Variants in IGF1 observed in about 807,000 individuals in gnomAD.
IGF1 encodes the protein insulin-like growth factor 1.
Under a neutral mutation model 13.8 loss-of-function variants are expected in IGF1, and 4 were observed. The observed-to-expected ratio is 0.29, with a 90% CI of 0.14 to 0.66. The LOEUF (loss-of-function observed/expected upper bound fraction) is 0.66. IGF1 is among the 30% of genes least tolerant of loss of function. The probability of loss-of-function intolerance (pLI) is 0.78; values close to 1 mark genes in which losing one functional copy is unlikely to be tolerated. For missense variants in IGF1, 124 were observed against 188.5 expected (o/e 0.66, Z 2.00); for synonymous variants, 76 against 72.6 (o/e 1.05, Z -0.23).
chr12:102,434,049 G>T (rs1876981741), intron 2 of IGF1, among the ~76,000 whole-genome samples: 2 of 152,026 alleles, frequency 1.3e-5, no homozygotes, highest in Non-Finnish European at 2.9e-5. Context: ...TTCAGATGCT[G>T]GCTAAACCAT....
intron 1 of IGF1, among the ~76,000 whole-genome samples, chr12:102,479,762 C>A (rs1368689553): frequency 2.6e-5 from 4 of 152,174 alleles, no homozygotes; most frequent in Admixed American, 2.6e-4. Context: ...AACTTTAACA[C>A]TCTCTCTGGG....
intron 2 of IGF1, among the ~76,000 whole-genome samples, chr12:102,465,086 T>C (rs930131248): frequency 1.3e-5 from 2 of 152,222 alleles, no homozygotes; most frequent in Admixed American, 1.3e-4. Context: ...AACTCTTGGG[T>C]GGTCTCAATG....
chr12:102,429,076 A>T (rs1244878807), intron 2 of IGF1, among the ~76,000 whole-genome samples: 1 of 152,238 alleles, frequency 6.6e-6, no homozygotes, highest in East Asian at 1.9e-4. Flanking sequence ...AAAATTTAAA[A>T]GTCTATACGA....
intron 1 of IGF1, among the ~76,000 whole-genome samples, chr12:102,476,434 A>AGAGAGAGAGACT (rs1881053201): frequency 6.6e-6 from 1 of 151,920 alleles, no homozygotes; most frequent in Non-Finnish European, 1.5e-5. Context: ...AGAGAGAGAG[A>AGAGAGAGAGACT]GAGAGAGAGA....
chr12:102,432,041 T>C (rs541475500), intron 2 of IGF1, among the ~76,000 whole-genome samples: 1 of 152,324 alleles, frequency 6.6e-6, no homozygotes, highest in Admixed American at 6.5e-5. Flanking sequence ...TTTTTACCCA[T>C]AATCTTGATA....
At chr12:102,439,385 A>C (rs1877513173) in intron 2 of IGF1, among the ~76,000 whole-genome samples, 1 of 152,230 alleles carries the variant, frequency 6.6e-6, no homozygotes, top group South Asian at 2.1e-4. Context: ...AAACATTAGA[A>C]GGTAGGATTT....
At chr12:102,471,430 G>A (rs565532331) in intron 2 of IGF1, among the ~76,000 whole-genome samples, 14 of 152,138 alleles carry the variant, frequency 9.2e-5, no homozygotes, top group African/African-American at 3.4e-4. Flanking sequence ...TAGTTTTCTG[G>A]GCAGTATATA....
At chr12:102,443,520 G>T (rs1878042769) in intron 2 of IGF1, among the ~76,000 whole-genome samples, 1 of 152,086 alleles carries the variant, frequency 6.6e-6, no homozygotes, top group Admixed American at 6.5e-5. Flanking sequence ...CCTGAACTAT[G>T]TATCTTGGGA....
At chr12:102,447,111 CT>C in intron 2 of IGF1, among the ~76,000 whole-genome samples, 1 of 152,120 alleles carries the variant, frequency 6.6e-6, no homozygotes, top group Non-Finnish European at 1.5e-5. Context: ...GATTTCCATT[CT>C]TTTTCATTTG....
chr12:102,449,499 A>C (rs1207610120), intron 2 of IGF1, among the ~76,000 whole-genome samples: 2 of 151,904 alleles, frequency 1.3e-5, no homozygotes, highest in African/African-American at 4.8e-5. Context: ...GCTATGTAAG[A>C]AACCTGCACA....
chr12:102,404,358 C>T (rs989509367), intron 3 of IGF1, among the ~76,000 whole-genome samples: 3 of 152,134 alleles, frequency 2.0e-5, no homozygotes, highest in Non-Finnish European at 4.4e-5. Flanking sequence ...AAACTGCCAC[C>T]CCTTGGGAAT....
intron 2 of IGF1, among the ~76,000 whole-genome samples, chr12:102,446,503 C>T (rs1267726440): frequency 1.3e-5 from 2 of 152,064 alleles, no homozygotes; most frequent in Non-Finnish European, 2.9e-5. Context: ...TTTCTTGTTT[C>T]TTTGCATAGA....
intron 1 of IGF1, among the ~76,000 whole-genome samples, chr12:102,478,004 T>C (rs1009205119): frequency 2.4e-4 from 37 of 151,264 alleles, no homozygotes; most frequent in South Asian, 2.3e-3. Context: ...TTTCTTTTTT[T>C]TTTTTTTTGC....
At position 102,397,175 on chromosome 12, in the gene IGF1, C is replaced by T. The variant is rs886048862; in HGVS notation, c.*5332G>A. On this transcript the variant is annotated 3_prime_UTR_variant, in exon 4 of 4. Coordinates refer to ENST00000337514, the MANE Select transcript of IGF1 (RefSeq NM_000618.5). ...CGAGATCATGCCACTGCACTCCAGC[C>T]TGGGGGACAGTGCGAGACCCCATCT... The T allele has an allele frequency of 2.9e-5, 7 of 238,840 alleles. No individual in the cohort carries two copies. In the South Asian group the frequency reaches 1.1e-3, roughly 37 times the overall value. 14.8% of individuals were successfully genotyped at this position (238,840 alleles called of 1,614,324 possible).
chr12:102,445,674 A>G (rs895624112), intron 2 of IGF1, among the ~76,000 whole-genome samples: 1 of 152,258 alleles, frequency 6.6e-6, no homozygotes, highest in African/African-American at 2.4e-5. Context: ...CAATCATGTC[A>G]TCTGCAAACA....
upstream of IGF1, chr12:102,481,584 A>C (rs894059326): frequency 3.9e-5 from 6 of 152,158 alleles, no homozygotes; most frequent in African/African-American, 1.4e-4. Context: ...TTTGCCATTG[A>C]GAATTCAGTT....
At chr12:102,415,465 C>G (rs1429199374) in intron 3 of IGF1, among the ~76,000 whole-genome samples, 1 of 151,800 alleles carries the variant, frequency 6.6e-6, no homozygotes, top group Admixed American at 6.6e-5. Flanking sequence ...AAACTCATTC[C>G]GAAAAGAACT....
chr12:102,460,082 C>T (rs1420219810), intron 2 of IGF1, among the ~76,000 whole-genome samples: 5 of 152,214 alleles, frequency 3.3e-5, no homozygotes, highest in African/African-American at 1.2e-4. Context: ...AACTGCCACT[C>T]AAGAATGCAG....
chr12:102,472,132 G>T (rs945311547), intron 2 of IGF1, among the ~76,000 whole-genome samples: 3 of 152,142 alleles, frequency 2.0e-5, no homozygotes, highest in African/African-American at 7.2e-5. Context: ...AAGGCTGGCT[G>T]ATAGGCTCTC....
Sources: gnomAD v4.1 joint callset for allele counts (sites outside exome capture counted in the v4.1 genomes callset) on GRCh38, gnomAD v4.1.1 for gene constraint, MANE v1.5 for transcripts, NCBI Gene and HGNC (gene_info 2026-07-23, HGNC 2026-07-21) for gene names.